Variants in CATSPERD observed in about 807,000 individuals in gnomAD.
CATSPERD encodes the protein cation channel sperm-associated auxiliary subunit delta.
A neutral mutation model predicts 98.1 loss-of-function variants in CATSPERD; 86 were observed. The observed-to-expected ratio is 0.88, with a 90% confidence interval of 0.74 to 1.05. CATSPERD has a LOEUF of 1.05. Ranked by LOEUF, CATSPERD falls within the 50% of genes least tolerant of loss-of-function variation. The pLI is 0.00. For synonymous variants in CATSPERD, 394 were observed against 390.2 expected, an observed-to-expected ratio of 1.01 and a Z score of -0.12; for missense variants, 995 against 1,005.7, an observed-to-expected ratio of 0.99 and a Z score of 0.14.
intron 21 of CATSPERD, 83 bp downstream of exon 21, chr19:5,776,398 C>A: frequency 6.8e-7 from 1 of 1,473,438 alleles, no homozygotes; most frequent in African/African-American, 1.4e-5. Context: ...ACATGCAGGT[C>A]CTGGCTAAAC....
Position 5,739,321 on chromosome 19 carries a change from T to TA in CATSPERD, c.460-4dup. On this transcript the variant is annotated splice_polypyrimidine_tract_variant and splice_region_variant and intron_variant, in intron 6 of 21. Transcript: ENST00000381624. ...TCATTCTTTCTTTCTTTTTTTTTTT[T>TA]ATAGCATGTCAGTAATTTGGTTTTT... is the stretch of plus-strand genomic sequence containing the variant. 1 of 1,398,146 alleles carries TA rather than the reference T, an allele frequency of 7.2e-7. No homozygotes were observed. Among genetic ancestry groups the TA allele is most frequent in the Non-Finnish European group, 1.0e-6 (1 of 998,228 alleles). 86.6% of individuals were successfully genotyped at this position (1,398,146 alleles called of 1,614,324 possible).
At chr19:5,766,078 A>C (rs1487875409) in intron 16 of CATSPERD, 25 bp from the exon 17 acceptor site, 1 of 1,605,300 alleles carries the variant, frequency 6.2e-7, no homozygotes, top group Non-Finnish European at 8.5e-7. Flanking sequence ...ACCTGGGTCC[A>C]TATTTCTGTC....
chr19:5,774,331 A>G (rs1479923447), intron 20 of CATSPERD, among the ~76,000 whole-genome samples: 1 of 152,068 alleles, frequency 6.6e-6, no homozygotes, highest in Non-Finnish European at 1.5e-5. Flanking sequence ...GCATGAGTGC[A>G]TTTAAGAGAT....
In CATSPERD at chr19:5,749,182, A is replaced by G. The variant is rs1364096190; in HGVS notation, c.986A>G (p.Lys329Arg). The G allele has an allele frequency of 5.0e-6, 8 of 1,609,712 alleles. No individual in the cohort carries two copies. Among genetic ancestry groups the G allele is most frequent in the Non-Finnish European group, 5.9e-6 (7 of 1,177,414 alleles). ...GGCATCGTGCCAAGTTCCATAATCA[A>G]AGTAGGTAAAAAGAAAGTGGGGTTA... ...NLGIVPSSII[K>R]FADQYIWSED... Residue 329 changes from lysine (K) to arginine (R), a missense_variant and splice_region_variant, in exon 11 of 22, where the codon AAA becomes AGA. By Grantham distance (26) the Lys-to-Arg change is conservative (BLOSUM62 2). Transcript: ENST00000381624.
intron 4 of CATSPERD, among the ~76,000 whole-genome samples, chr19:5,731,521 C>G (rs1052238995): frequency 7.0e-6 from 1 of 143,360 alleles, no homozygotes; most frequent in Non-Finnish European, 1.5e-5. Context: ...TGTCAATTAT[C>G]GAAAATACCA....
rs540474167 is a variant in CATSPERD at position 5,759,247 on chromosome 19, C to A, written c.1427+103C>A. The A allele has an allele frequency of 1.8e-5, 20 of 1,086,762 alleles. 1 individual carries two copies. In the South Asian group the frequency reaches 2.4e-4, roughly 13 times the overall value. The allele number at this position is 1,086,762 out of a possible 1,614,324, so 67.3% of individuals were successfully genotyped here. A position where few individuals can be genotyped will look rare whatever the true frequency, so the allele number is the denominator to read the frequency against. On this transcript the variant is annotated intron_variant, in intron 15 of 21. Coordinates refer to ENST00000381624, the MANE Select transcript of CATSPERD (RefSeq NM_152784.4). ...TGAGATCAGACCCCCAGCTCCAGAA[C>A]AGTAAAACAAGGCGATTACAACACT...
intron 17 of CATSPERD, among the ~76,000 whole-genome samples, chr19:5,767,051 C>T (rs979050106): frequency 6.6e-6 from 1 of 151,134 alleles, no homozygotes; most frequent in African/African-American, 2.4e-5. Flanking sequence ...GGCACGGTGG[C>T]TCACGCCTGT....
intron 4 of CATSPERD, among the ~76,000 whole-genome samples, chr19:5,733,428 T>C (rs1328414878): frequency 5.6e-5 from 8 of 142,144 alleles, no homozygotes; most frequent in African/African-American, 1.8e-4. Flanking sequence ...CTTCCTTCCT[T>C]CCTCCTTTCT....
chr19:5,723,715 C>G (rs1228366890), intron 1 of CATSPERD, among the ~76,000 whole-genome samples: 1 of 151,578 alleles, frequency 6.6e-6, no homozygotes, highest in African/African-American at 2.4e-5. Context: ...CCACCCGCCT[C>G]GGCCTCCTAA....
At chr19:5,722,896 T>C (rs1225367577) in intron 1 of CATSPERD, among the ~76,000 whole-genome samples, 1 of 152,012 alleles carries the variant, frequency 6.6e-6, no homozygotes, top group Non-Finnish European at 1.5e-5. Flanking sequence ...AAGGAGCCTT[T>C]AGAAATTCTT....
intron 4 of CATSPERD, among the ~76,000 whole-genome samples, chr19:5,731,559 A>AGTTTTTT (rs1365314885): frequency 2.0e-4 from 16 of 78,508 alleles, no homozygotes; most frequent in Non-Finnish European, 4.2e-4. Flanking sequence ...GACACTTAAC[A>AGTTTTTT]GTTTTTTTTT....
At chr19:5,737,874 T>G (rs976646256) in intron 6 of CATSPERD, among the ~76,000 whole-genome samples, 2 of 149,530 alleles carry the variant, frequency 1.3e-5, no homozygotes. Context: ...AGAAAAAAGA[T>G]AAAGAAATAA....
Position 5,768,182 on chromosome 19 carries a change from G to A in CATSPERD, c.1574G>A (p.Cys525Tyr). The change falls in exon 18 of 22, where the codon TGT becomes TAT. Residue 525 changes from cysteine to tyrosine, a missense_variant. Around this residue, in one of 3 missense-constraint regions of CATSPERD, gnomAD observed 762 missense variants for 773.7 expected, o/e 0.98. Coordinates refer to ENST00000381624, the MANE Select transcript of CATSPERD (RefSeq NM_152784.4). The part of the protein sequence containing the change: ...KIVIQNKVSA[C>Y]SMGILDPLTL... ...TTTGCTTGCAGCAAAGTTTCCGCCT[G>A]TTCCATGGGCATCCTGGACCCCTTG... 4.3e-6 allele frequency: 7 copies of A among 1,613,654 alleles called. No homozygotes were observed. Among genetic ancestry groups the A allele is most frequent in the Non-Finnish European group, 5.9e-6 (7 of 1,179,748 alleles).
intron 17 of CATSPERD, among the ~76,000 whole-genome samples, chr19:5,766,721 C>A (rs1235256676): frequency 6.7e-6 from 1 of 148,540 alleles, no homozygotes; most frequent in Non-Finnish European, 1.5e-5. Flanking sequence ...GAGATGGAGT[C>A]TCGCCCTGTC....
chr19:5,746,138 G>T (rs1395923285), intron 9 of CATSPERD, 75 bp downstream of exon 9: 1 of 1,532,330 alleles, frequency 6.5e-7, no homozygotes, highest in African/African-American at 1.4e-5. Flanking sequence ...CCTGGATAAG[G>T]GGAGGGGAAG....
At chr19:5,745,209 C>T (rs1005933656) in intron 8 of CATSPERD, among the ~76,000 whole-genome samples, 2 of 152,110 alleles carry the variant, frequency 1.3e-5, no homozygotes, top group African/African-American at 2.4e-5. Context: ...CCGCGGCCTC[C>T]CCCAGTGCTG....
chr19:5,765,884 G>A (rs371142331), intron 16 of CATSPERD, among the ~76,000 whole-genome samples: 1 of 152,116 alleles, frequency 6.6e-6, no homozygotes, highest in East Asian at 1.9e-4. Flanking sequence ...CTCCTCAGGC[G>A]ACACCAGGAG....
chr19:5,772,729 C>T (rs540053603), intron 19 of CATSPERD, 59 bp from the exon 20 acceptor site: 298 of 1,545,040 alleles, frequency 1.9e-4, no homozygotes, highest in Middle Eastern at 8.7e-4. Context: ...GGCTGTGGCC[C>T]GGGTCTTCCT....
chr19:5,761,604 A>G (rs987878776), intron 15 of CATSPERD, among the ~76,000 whole-genome samples: 1 of 152,298 alleles, frequency 6.6e-6, no homozygotes, highest in Non-Finnish European at 1.5e-5. Flanking sequence ...GAAACTTACA[A>G]TCATGGCGGA....
Sources: allele counts gnomAD v4.1 joint callset (sites outside exome capture counted in the v4.1 genomes callset), GRCh38; gene constraint gnomAD v4.1.1; regional missense constraint gnomAD v4.1.1; transcripts MANE v1.5; gene names NCBI Gene and HGNC (gene_info 2026-07-23, HGNC 2026-07-21).